DIXDC1: variants seen among roughly 807,000 people sequenced by gnomAD.
DIXDC1 encodes the protein dixin.
In DIXDC1, 64 loss-of-function variants were observed where a neutral mutation model predicts 103.1. That is an observed-to-expected ratio of 0.62 (90% CI 0.51 to 0.76). DIXDC1 has a LOEUF of 0.76. Ranked by LOEUF, DIXDC1 falls within the 30% of genes least tolerant of loss-of-function variation. The pLI, the probability that DIXDC1 is intolerant of heterozygous loss-of-function variation, is 0.00. For missense variants in DIXDC1, 759 were observed against 834.2 expected (o/e 0.91, Z 1.11); for synonymous variants, 266 against 298.5 (o/e 0.89, Z 1.12).
At position 111,970,853 on chromosome 11, in the gene DIXDC1, C is replaced by T. The variant is rs1206228157; in HGVS notation, c.316+2215C>T. On this transcript the variant is annotated intron_variant, in intron 3 of 19. Transcript: ENST00000440460. The stretch of plus-strand genomic sequence containing the variant: ...ACAACCATGTGATCTTTGACAAACT[C>T]AACAAAAATAAGCAATGAGGAAAAG... Among the ~76,000 whole-genome samples the T allele has an allele frequency of 3.9e-5, 6 of 151,950 alleles. No individual in the cohort carries two copies. In the East Asian group the frequency reaches 1.2e-3, roughly 29 times the overall value.
chr11:111,981,219 A>G (rs1489679394), intron 6 of DIXDC1, among the ~76,000 whole-genome samples: 5 of 152,200 alleles, frequency 3.3e-5, no homozygotes, highest in Non-Finnish European at 7.3e-5. Context: ...CCAGAAATGC[A>G]TTGTATGAGC....
intron 10 of DIXDC1, among the ~76,000 whole-genome samples, chr11:111,991,486 C>T (rs1860711834): frequency 6.6e-6 from 1 of 152,166 alleles, no homozygotes; most frequent in Admixed American, 6.5e-5. Flanking sequence ...TAAGAATGGG[C>T]TCCCACATTC....
At chr11:111,946,442 T>C (rs1555169369) in intron 1 of DIXDC1, among the ~76,000 whole-genome samples, 1 of 152,232 alleles carries the variant, frequency 6.6e-6, no homozygotes, top group African/African-American at 2.4e-5. Flanking sequence ...CAGGCTGGTC[T>C]CGAACTCCTG....
chr11:112,017,845 T>C lies in DIXDC1; in HGVS notation c.1931T>C (p.Phe644Ser), dbSNP rs1447290645. 5 of 1,611,438 alleles carry C rather than the reference T, an allele frequency of 3.1e-6. No homozygotes were observed. The African/African-American group carries it at 4.0e-5, about 13-fold the overall frequency. ...IDREGNHRYH[F>S]KALDPEFGTV... ...CGGGAAGGAAATCACCGGTATCACTTCAAAGCACTGGATCCTGAGTTTGGC... is the reference window on the plus strand; with the variant it reads ...CGGGAAGGAAATCACCGGTATCACTCCAAAGCACTGGATCCTGAGTTTGGC... The change falls in exon 19 of 20, where the codon TTC (phenylalanine) becomes TCC (serine). Residue 644 changes from phenylalanine to serine, a missense_variant. By Grantham distance (155) the Phe-to-Ser change is radical. Transcript: ENST00000440460. The surrounding 1 kb of genome is among the most constrained non-coding windows in gnomAD (Gnocchi z 4.0).
rs1860456522 is a variant in DIXDC1, at chr11:111,985,402, C to G, written c.1008+81C>G. On this transcript the variant is annotated intron_variant, in intron 8 of 19. Transcript: ENST00000440460. ...TAGCATTTGACACTGCTGTTCATGC[C>G]TTCTTGAAATGCTGTCTTCCTTGAC... 2.9e-5 allele frequency: 32 copies of G among 1,114,768 alleles called. No individual in the cohort carries two copies. In the South Asian group the frequency reaches 4.7e-4, roughly 16 times the overall value. 69.1% of individuals were successfully genotyped at this position (1,114,768 alleles called of 1,614,324 possible).
chr11:111,957,236 A>T (rs782437706), intron 1 of DIXDC1, among the ~76,000 whole-genome samples: 1 of 152,220 alleles, frequency 6.6e-6, no homozygotes, highest in Non-Finnish European at 1.5e-5. Context: ...TGGAATTACA[A>T]TTAATAAATG....
upstream of DIXDC1, chr11:111,937,235 GCAGCGCCGCTCAAC>G: frequency 8.4e-7 from 1 of 1,187,254 alleles, no homozygotes; most frequent in South Asian, 3.6e-5. Context: ...GGGCAGCCCG[GCAGCGCCGCTCAAC>G]CTAGTGCGCG....
chr11:111,945,481 T>C (rs782186844), intron 1 of DIXDC1, among the ~76,000 whole-genome samples: 5 of 152,112 alleles, frequency 3.3e-5, no homozygotes, highest in Non-Finnish European at 5.9e-5. Flanking sequence ...GAAGAGGGAA[T>C]CATTGTGGGC....
At chr11:112,015,799 CTTTTTTTTT>C (rs782121271) in intron 17 of DIXDC1, among the ~76,000 whole-genome samples, 3 of 47,036 alleles carry the variant, frequency 6.4e-5, no homozygotes, top group East Asian at 9.1e-4. Flanking sequence ...GAGACCCTGT[CTTTTTTTTT>C]TTTTTTTTTT....
At chr11:111,940,143 C>T (rs1566456752) in intron 1 of DIXDC1, among the ~76,000 whole-genome samples, 1 of 152,222 alleles carries the variant, frequency 6.6e-6, no homozygotes, top group Non-Finnish European at 1.5e-5. Flanking sequence ...TGAATCCTGG[C>T]TTCCCTCTAC....
chr11:112,002,777 A>G (rs587641328), intron 17 of DIXDC1, among the ~76,000 whole-genome samples: 1 of 152,348 alleles, frequency 6.6e-6, no homozygotes, highest in East Asian at 1.9e-4. Flanking sequence ...TCCTGTCTCA[A>G]AAACAAAACA....
rs374112501 is a variant in DIXDC1, at chr11:111,948,699, C to T, written c.60+11140C>T. Reference sequence around the variant, plus strand: ...CAAGTCTCTGACCCTTTCCTGAAGCCTCCTTCATTCTCCCCGTCCCTTTCA... The same window carrying T: ...CAAGTCTCTGACCCTTTCCTGAAGCTTCCTTCATTCTCCCCGTCCCTTTCA... On this transcript the variant is annotated intron_variant, in intron 1 of 19. Transcript: ENST00000440460. 6.8e-3 allele frequency among the ~76,000 whole-genome samples: 1,023 copies of T among 150,356 alleles called. 5 individuals carry two copies. Among genetic ancestry groups the T allele is most frequent in the Middle Eastern group, 0.051 (15 of 294 alleles).
intron 17 of DIXDC1, among the ~76,000 whole-genome samples, chr11:112,015,799 CTTT>C (rs782121271): frequency 2.6e-4 from 12 of 47,032 alleles, no homozygotes; most frequent in African/African-American, 9.8e-4. Context: ...GAGACCCTGT[CTTT>C]TTTTTTTTTT....
chr11:111,928,166 C>T (rs1382141149), intron 1 of DIXDC1, among the ~76,000 whole-genome samples: 1 of 152,062 alleles, frequency 6.6e-6, no homozygotes, highest in Non-Finnish European at 1.5e-5. Context: ...CTGGCAAAGA[C>T]TCAATGCAGG....
chr11:111,950,430 A>ATATATATATATATATATTTATATT (rs1966751254), intron 1 of DIXDC1, among the ~76,000 whole-genome samples: 1 of 21,176 alleles, frequency 4.7e-5, no homozygotes, highest in African/African-American at 3.0e-4. Flanking sequence ...ATATATATAT[A>ATATATATATATATATATTTATATT]TATATATATT....
At chr11:111,980,994 T>C in intron 6 of DIXDC1, 145 bp downstream of exon 6, 1 of 580,206 alleles carries the variant, frequency 1.7e-6, no homozygotes, top group East Asian at 3.0e-5. Context: ...TCTAATGACT[T>C]TGAGCCAATT....
Position 111,980,624 on chromosome 11 carries a change from G to GTT in DIXDC1, c.657-113_657-112insTT, listed in dbSNP as rs1860264278. On this transcript the variant is annotated intron_variant, in intron 5 of 19. Transcript: ENST00000440460. ...GTGGGCCAAGTACTGTGTTACCCAT[G>GTT]GAGGAGTAAGATGAATAAGAACATG... The GTT allele has an allele frequency of 5.5e-6, 4 of 733,158 alleles. No homozygotes were observed. In the East Asian group the frequency reaches 8.2e-5, roughly 15 times the overall value. The allele number at this position is 733,158 out of a possible 1,614,324, so 45.4% of individuals were successfully genotyped here.
At position 111,977,480 on chromosome 11, in the gene DIXDC1, C is replaced by G. The variant is rs1860148490; in HGVS notation, c.656+2497C>G. On this transcript the variant is annotated intron_variant, in intron 5 of 19. Coordinates refer to ENST00000440460, the MANE Select transcript of DIXDC1 (RefSeq NM_001037954.4). The surrounding 1 kb of genome is among the most constrained non-coding windows in gnomAD (Gnocchi z 6.1). ...GCAGCGGCCAGGGGCCGGCAGCCTG[C>G]GAGGGGAGGCAGCTTCCGCCGGGGC... 1 of 1,313,714 alleles carries G rather than the reference C, an allele frequency of 7.6e-7. No homozygotes were observed. The highest frequency in any genetic ancestry group is 9.7e-7 in the Non-Finnish European group (1 of 1,033,762). The allele number at this position is 1,313,714 out of a possible 1,614,324, so 81.4% of individuals were successfully genotyped here. A position where few individuals can be genotyped will look rare whatever the true frequency, so the allele number is the denominator to read the frequency against.
At chr11:111,982,064 G>A (rs1555173276) in intron 6 of DIXDC1, among the ~76,000 whole-genome samples, 2 of 152,226 alleles carry the variant, frequency 1.3e-5, no homozygotes, top group African/African-American at 4.8e-5. Context: ...TGAAGTCTGT[G>A]TGGCGCATAC....
Sources: gnomAD v4.1 joint callset for allele counts (sites outside exome capture counted in the v4.1 genomes callset) on GRCh38, gnomAD v4.1.1 for gene constraint, Gnocchi (gnomAD v3.1) non-coding constraint, MANE v1.5 for transcripts, NCBI Gene and HGNC (gene_info 2026-07-23, HGNC 2026-07-21) for gene names.